PLCXD3: variants seen among roughly 807,000 people sequenced by gnomAD.
PLCXD3 encodes the protein phosphatidylinositol specific phospholipase C X domain containing 3, also known as PI-PLC X domain-containing protein 3.
In PLCXD3, 19 loss-of-function variants were observed where a neutral mutation model predicts 25.5. The observed-to-expected ratio is 0.75, with a 90% CI of 0.52 to 1.09. The LOEUF is 1.09. PLCXD3 is among the 50% of genes least tolerant of loss of function. The pLI is 0.00. For synonymous variants in PLCXD3, 174 were observed against 137.6 expected (o/e 1.26, Z -1.85); for missense variants, 411 against 388.1 (o/e 1.06, Z -0.50).
At chr5:41,442,377 T>A (rs1454654506) in intron 1 of PLCXD3, among the ~76,000 whole-genome samples, 1 of 152,192 alleles carries the variant, frequency 6.6e-6, no homozygotes, top group Non-Finnish European at 1.5e-5. Context: ...TGTTAATGTA[T>A]CCCAACAGTT....
At chr5:41,452,522 T>G (rs953751827) in intron 1 of PLCXD3, among the ~76,000 whole-genome samples, 7 of 151,960 alleles carry the variant, frequency 4.6e-5, no homozygotes, top group Non-Finnish European at 1.0e-4. Flanking sequence ...AGGCATACCT[T>G]AGACTCCAAA....
intron 1 of PLCXD3, among the ~76,000 whole-genome samples, chr5:41,474,606 A>C (rs1341914964): frequency 6.6e-6 from 1 of 152,194 alleles, no homozygotes; most frequent in African/African-American, 2.4e-5. Context: ...TCCTAGTTGT[A>C]CTTCCAAATC....
chr5:41,340,721 G>C (rs994920069), intron 2 of PLCXD3, among the ~76,000 whole-genome samples: 1 of 152,194 alleles, frequency 6.6e-6, no homozygotes, highest in African/African-American at 2.4e-5. Context: ...CTATTTTCAA[G>C]TGAAAGAATG....
chr5:41,399,618 G>T (rs1746118356), intron 1 of PLCXD3, among the ~76,000 whole-genome samples: 2 of 152,026 alleles, frequency 1.3e-5, no homozygotes, highest in South Asian at 4.1e-4. Flanking sequence ...TCCATAAATA[G>T]TTCTGGGAAA....
chr5:41,339,124 G>A (rs924728954), intron 2 of PLCXD3, among the ~76,000 whole-genome samples: 1 of 152,122 alleles, frequency 6.6e-6, no homozygotes, highest in African/African-American at 2.4e-5. Flanking sequence ...ATCTCTGGAA[G>A]AGTCAACAGT....
intron 1 of PLCXD3, among the ~76,000 whole-genome samples, chr5:41,396,456 T>G (rs546011299): frequency 6.6e-6 from 1 of 152,298 alleles, no homozygotes; most frequent in Admixed American, 6.5e-5. Context: ...GTGAGTCAAT[T>G]AAACCTCTTT....
intron 1 of PLCXD3, among the ~76,000 whole-genome samples, chr5:41,438,278 T>C (rs1457128): frequency 0.63 from 95,951 of 152,056 alleles, 32,428 homozygotes; most frequent in Admixed American, 0.74. Context: ...TAGTTAATGA[T>C]GAAAAGGCAA....
At chr5:41,455,025 A>C (rs1747722296) in intron 1 of PLCXD3, among the ~76,000 whole-genome samples, 1 of 151,506 alleles carries the variant, frequency 6.6e-6, no homozygotes, top group African/African-American at 2.4e-5. Context: ...CCATGAGACC[A>C]CATGAGAACT....
chr5:41,458,726 A>C (rs2150516335), intron 1 of PLCXD3, among the ~76,000 whole-genome samples: 1 of 152,052 alleles, frequency 6.6e-6, no homozygotes, highest in Middle Eastern at 3.4e-3. Flanking sequence ...AGAAGAAATG[A>C]GCTGAAATGA....
chr5:41,367,161 G>C lies in PLCXD3; in HGVS notation c.812+14665C>G, dbSNP rs191115348. Among the ~76,000 whole-genome samples, 216 of 152,254 alleles carry C rather than the reference G, an allele frequency of 1.4e-3. 1 individual carries two copies. Among genetic ancestry groups the C allele is most frequent in the Non-Finnish European group, 2.2e-3 (153 of 68,016 alleles). ...TTCTTTTGGGTATGTACCCAGTAATGAGATTGCTGGGTCAAATGGTATTTC... is the reference window on the plus strand; with the variant it reads ...TTCTTTTGGGTATGTACCCAGTAATCAGATTGCTGGGTCAAATGGTATTTC... On this transcript the variant is annotated intron_variant, in intron 2 of 2. Transcript: ENST00000377801.
chr5:41,392,863 A>G (rs1041031063), intron 1 of PLCXD3, among the ~76,000 whole-genome samples: 8 of 152,190 alleles, frequency 5.3e-5, no homozygotes, highest in Non-Finnish European at 8.8e-5. Context: ...CAACAAAGAC[A>G]TTGAAATAAT....
chr5:41,406,748 G>C (rs1746363461), intron 1 of PLCXD3, among the ~76,000 whole-genome samples: 1 of 152,044 alleles, frequency 6.6e-6, no homozygotes, highest in South Asian at 2.1e-4. Context: ...CTTCATCTCA[G>C]CTGCGATCAT....
intron 2 of PLCXD3, among the ~76,000 whole-genome samples, chr5:41,343,432 G>A (rs1352209019): frequency 6.6e-6 from 1 of 152,018 alleles, no homozygotes; most frequent in East Asian, 1.9e-4. Flanking sequence ...TGAATATATT[G>A]AAAATGAATT....
chr5:41,381,272 A>G (rs1039124952), intron 2 of PLCXD3, among the ~76,000 whole-genome samples: 1 of 152,156 alleles, frequency 6.6e-6, no homozygotes, highest in African/African-American at 2.4e-5. Flanking sequence ...ACAACTAGAC[A>G]TGGAGTCAAA....
intron 1 of PLCXD3, among the ~76,000 whole-genome samples, chr5:41,488,387 A>G (rs1748570394): frequency 7.6e-6 from 1 of 131,306 alleles, no homozygotes; most frequent in Non-Finnish European, 1.6e-5. Flanking sequence ...TGCAATAAAC[A>G]TACGTGTGCA....
At chr5:41,334,266 AC>A (rs150457264) in intron 2 of PLCXD3, among the ~76,000 whole-genome samples, 11,157 of 152,148 alleles carry the variant, frequency 0.073, 722 homozygotes, top group East Asian at 0.35. Context: ...CTTTGGGGTT[AC>A]TACAAGGATC....
chr5:41,315,281 A>G (rs1156936821), intron 2 of PLCXD3, among the ~76,000 whole-genome samples: 5 of 152,172 alleles, frequency 3.3e-5, no homozygotes, highest in Non-Finnish European at 7.3e-5. Context: ...TTTGAGGGAA[A>G]TACATGTGAA....
chr5:41,457,505 T>A (rs1300550338), intron 1 of PLCXD3, among the ~76,000 whole-genome samples: 3 of 151,874 alleles, frequency 2.0e-5, no homozygotes, highest in Admixed American at 1.3e-4. Context: ...TTCCCCAGCA[T>A]AACCTGCATG....
intron 1 of PLCXD3, among the ~76,000 whole-genome samples, chr5:41,427,278 TC>T (rs2150507605): frequency 6.6e-6 from 1 of 152,306 alleles, no homozygotes; most frequent in Non-Finnish European, 1.5e-5. Flanking sequence ...TTGTATTCCA[TC>T]CCTTTCCCTC....
Sources: gnomAD v4.1 joint callset for allele counts (sites outside exome capture counted in the v4.1 genomes callset) on GRCh38, gnomAD v4.1.1 for gene constraint, MANE v1.5 for transcripts, NCBI Gene and HGNC (gene_info 2026-07-23, HGNC 2026-07-21) for gene names.